The following L3MBTL4 variants were observed in gnomAD, a reference collection of about 807,000 sequenced individuals.
L3MBTL4 encodes the protein lethal(3)malignant brain tumor-like protein 4.
L3MBTL4 carries 70 observed loss-of-function variants against 84.5 expected under a neutral mutation model. That is an observed-to-expected ratio of 0.83 (90% CI 0.68 to 1.01). The LOEUF is 1.01. Among genes scored for constraint, L3MBTL4 ranks in the 50% least tolerant of loss-of-function variants. The probability of loss-of-function intolerance (pLI) is 0.00; values close to 1 mark genes in which losing one functional copy is unlikely to be tolerated. For synonymous variants in L3MBTL4, 274 were observed against 259.8 expected (o/e 1.05, Z -0.52); for missense variants, 715 against 754.8 (o/e 0.95, Z 0.62).
chr18:6,026,020 A>G (rs962573470), intron 16 of L3MBTL4, among the ~76,000 whole-genome samples: 4 of 152,250 alleles, frequency 2.6e-5, no homozygotes, highest in Admixed American at 2.6e-4. Context: ...GTCATACATT[A>G]TCACTTAAAC....
At chr18:6,173,267 G>A (rs532737494) in intron 12 of L3MBTL4, among the ~76,000 whole-genome samples, 2 of 152,188 alleles carry the variant, frequency 1.3e-5, no homozygotes, top group East Asian at 1.9e-4. Flanking sequence ...TTCGGACATC[G>A]GACAATAGGC....
At chr18:6,042,356 C>T (rs1053824624) in intron 16 of L3MBTL4, among the ~76,000 whole-genome samples, 3 of 152,060 alleles carry the variant, frequency 2.0e-5, no homozygotes, top group African/African-American at 4.8e-5. Context: ...TACACACACA[C>T]ATACGTGCAC....
In L3MBTL4 at chr18:6,213,969, C is replaced by T. The variant is rs563843291; in HGVS notation, c.871-710G>A. Among the ~76,000 whole-genome samples the T allele has an allele frequency of 2.6e-5, 4 of 152,104 alleles. No individual in the cohort carries two copies. The South Asian group carries it at 8.3e-4, about 32-fold the overall frequency. On this transcript the variant is annotated intron_variant, in intron 11 of 18. Transcript: ENST00000317931. ...AGAAACTATTGACTATTCTCATTGC[C>T]CAGTTTCAAACTGTATGGCACAGAA...
rs117184820 is a variant in L3MBTL4 at position 6,224,787 on chromosome 18, A to G, written c.785-8952T>C. On this transcript the variant is annotated intron_variant, in intron 10 of 18. Transcript: ENST00000317931. Reference sequence around the variant, plus strand: ...TGAACACCCTACAGGAAGGCTCACAAGCTGACAAGCTCCATCAGGGCACCC... The same window carrying G: ...TGAACACCCTACAGGAAGGCTCACAGGCTGACAAGCTCCATCAGGGCACCC... Among the ~76,000 whole-genome samples, 69 of 152,272 alleles carry G rather than the reference A, an allele frequency of 4.5e-4. No individual in the cohort carries two copies. In the East Asian group the frequency reaches 0.013, roughly 29 times the overall value.
chr18:6,024,374 C>A (rs991198707), intron 16 of L3MBTL4, among the ~76,000 whole-genome samples: 4 of 152,220 alleles, frequency 2.6e-5, no homozygotes, highest in Non-Finnish European at 4.4e-5. Context: ...AAAACAGTGA[C>A]TAAGGAGCCC....
In L3MBTL4 at chr18:6,356,473, G is replaced by A. The variant is rs76758749; in HGVS notation, c.-90-44417C>T. Among the ~76,000 whole-genome samples the A allele has an allele frequency of 1.4e-3, 213 of 152,338 alleles. 9 individuals are homozygous for A. The East Asian group carries it at 0.039, about 28-fold the overall frequency. On this transcript the variant is annotated intron_variant, in intron 1 of 18. Coordinates refer to ENST00000317931, the MANE Select transcript of L3MBTL4 (RefSeq NM_001330559.2). Reference sequence around the variant, plus strand: ...CAACAGGATTTGTTCTAAGAAATGCGTTATTAGCATAAACATCATAGTGCA... The same window carrying A: ...CAACAGGATTTGTTCTAAGAAATGCATTATTAGCATAAACATCATAGTGCA...
intron 1 of L3MBTL4, among the ~76,000 whole-genome samples, chr18:6,367,066 C>T (rs945857419): frequency 1.3e-5 from 2 of 152,194 alleles, no homozygotes; most frequent in Non-Finnish European, 2.9e-5. Context: ...GGGGGCTCCC[C>T]CAGCAGGAGC....
chr18:6,073,432 TA>T (rs1369319608), intron 16 of L3MBTL4, among the ~76,000 whole-genome samples: 14 of 151,992 alleles, frequency 9.2e-5, no homozygotes, highest in Non-Finnish European at 1.8e-4. Flanking sequence ...ATTCTTTCAA[TA>T]AAAAAAACTT....
At chr18:6,394,259 G>A (rs936216480) in intron 1 of L3MBTL4, among the ~76,000 whole-genome samples, 5 of 152,260 alleles carry the variant, frequency 3.3e-5, no homozygotes, top group African/African-American at 9.6e-5. Context: ...CCTGAGGTCA[G>A]GAGTTCGAGA....
chr18:6,064,692 T>C (rs188634324), intron 16 of L3MBTL4, among the ~76,000 whole-genome samples: 7 of 151,918 alleles, frequency 4.6e-5, no homozygotes, highest in Non-Finnish European at 1.0e-4. Context: ...TTTGTGTACA[T>C]TGATTTTGTA....
At chr18:6,244,419 A>T (rs889244755) in intron 6 of L3MBTL4, 65 bp downstream of exon 6, 10 of 1,030,472 alleles carry the variant, frequency 9.7e-6, no homozygotes, top group African/African-American at 1.6e-5. Context: ...CAAATTTGTT[A>T]TTTTCTAGAA....
At chr18:6,113,853 A>G (rs1037665203) in intron 14 of L3MBTL4, among the ~76,000 whole-genome samples, 2 of 152,204 alleles carry the variant, frequency 1.3e-5, no homozygotes, top group African/African-American at 4.8e-5. Context: ...AGTTGTTCCA[A>G]TGTACACTTG....
intron 13 of L3MBTL4, among the ~76,000 whole-genome samples, chr18:6,155,004 A>C (rs1445053023): frequency 6.6e-6 from 1 of 152,232 alleles, no homozygotes; most frequent in Non-Finnish European, 1.5e-5. Context: ...TTAAAGTATA[A>C]AAACTTCCAT....
intron 4 of L3MBTL4, among the ~76,000 whole-genome samples, chr18:6,277,740 G>A (rs926813693): frequency 1.3e-5 from 2 of 151,946 alleles, no homozygotes; most frequent in African/African-American, 4.8e-5. Context: ...ATTTTATATT[G>A]TATTGCTATT....
chr18:6,187,416 A>C (rs1249089112), intron 12 of L3MBTL4, among the ~76,000 whole-genome samples: 1 of 152,228 alleles, frequency 6.6e-6, no homozygotes, highest in Non-Finnish European at 1.5e-5. Flanking sequence ...TATTTCAACA[A>C]TAAAATCTAT....
chr18:6,368,445 T>G (rs2054021285), intron 1 of L3MBTL4, among the ~76,000 whole-genome samples: 1 of 152,170 alleles, frequency 6.6e-6, no homozygotes. Flanking sequence ...TAAACAGTAG[T>G]CACAGCAGGT....
intron 10 of L3MBTL4, among the ~76,000 whole-genome samples, chr18:6,234,000 A>C (rs1035447543): frequency 5.3e-5 from 8 of 152,226 alleles, no homozygotes; most frequent in African/African-American, 1.9e-4. Context: ...CAGAGCCCTC[A>C]GAAATAATAC....
At chr18:6,153,867 T>C (rs1318509304) in intron 13 of L3MBTL4, among the ~76,000 whole-genome samples, 2 of 152,192 alleles carry the variant, frequency 1.3e-5, no homozygotes, top group Admixed American at 1.3e-4. Context: ...TCCTGAGACC[T>C]CCTCAGCCAT....
chr18:6,118,978 A>C (rs2059440251), intron 14 of L3MBTL4, among the ~76,000 whole-genome samples: 1 of 124,516 alleles, frequency 8.0e-6, no homozygotes, highest in African/African-American at 3.3e-5. Context: ...GATTTGGCAC[A>C]GTTTTTTTTG....
Sources: gnomAD v4.1 joint callset for allele counts (sites outside exome capture counted in the v4.1 genomes callset) on GRCh38, gnomAD v4.1.1 for gene constraint, MANE v1.5 for transcripts, NCBI Gene and HGNC (gene_info 2026-07-23, HGNC 2026-07-21) for gene names.